The following KCTD14 variants were observed in gnomAD, a reference collection of about 807,000 sequenced individuals.
KCTD14 encodes the protein BTB/POZ domain-containing protein KCTD14.
A neutral mutation model predicts 5.9 loss-of-function variants in KCTD14; 7 were observed. The ratio of observed to expected loss-of-function variants is 1.19; its 90% confidence interval spans 0.68 to 2.23. The LOEUF is 2.23. Among genes scored for constraint, KCTD14 ranks in the 30% most tolerant of loss-of-function variants. KCTD14 has a pLI of 0.00. For synonymous variants in KCTD14, 140 were observed against 133.1 expected (o/e 1.05, Z -0.36); for missense variants, 342 against 332.2 (o/e 1.03, Z -0.23).
chr11:78,016,297 GC>G lies in KCTD14; in HGVS notation c.*295del. 4.7e-6 allele frequency: 2 copies of G among 424,900 alleles called. No individual in the cohort carries two copies. The highest frequency in any genetic ancestry group is 2.9e-5 in the South Asian group (1 of 35,044). The allele number at this position is 424,900 out of a possible 1,614,324, so 26.3% of individuals were successfully genotyped here. Reference sequence around the variant, plus strand: ...TTCCTGTTGTCATCTCACATCTCTTGCCAACGCATTGTTGAAACATTCTTAC... The same window carrying G: ...TTCCTGTTGTCATCTCACATCTCTTGCAACGCATTGTTGAAACATTCTTAC... On this transcript the variant is annotated 3_prime_UTR_variant, in exon 2 of 2. Transcript: ENST00000353172.
intron 1 of KCTD14, among the ~76,000 whole-genome samples, chr11:78,021,096 A>G (rs1857291510): frequency 6.6e-6 from 1 of 152,066 alleles, no homozygotes; most frequent in South Asian, 2.1e-4. Context: ...TGAGGCCAGG[A>G]GTTCAAGACT....
chr11:78,025,085 CGTGTGTGTGTGTGT>C (rs1163862866), upstream of KCTD14, among the ~76,000 whole-genome samples: 2 of 89,374 alleles, frequency 2.2e-5, no homozygotes, highest in African/African-American at 3.6e-5. Flanking sequence ...TATATACACA[CGTGTGTGTGTGTGT>C]GTGTGTGTGT....
At chr11:78,018,643 G>C (rs1370037057) in intron 1 of KCTD14, among the ~76,000 whole-genome samples, 1 of 151,896 alleles carries the variant, frequency 6.6e-6, no homozygotes, top group African/African-American at 2.4e-5. Context: ...GGAGGCAGAG[G>C]TTACAATGAG....
chr11:78,031,382 T>C (rs1857610827), intron 2 of KCTD14, among the ~76,000 whole-genome samples: 1 of 152,008 alleles, frequency 6.6e-6, no homozygotes, highest in Admixed American at 6.6e-5. Context: ...TTTTAAAATT[T>C]ATTTTATTTT....
chr11:78,041,113 G>T (rs1857982120), intron 1 of KCTD14, among the ~76,000 whole-genome samples: 1 of 152,194 alleles, frequency 6.6e-6, no homozygotes, highest in Non-Finnish European at 1.5e-5. Flanking sequence ...AGTCTGTCAA[G>T]CTTCCATTAG....
chr11:78,018,191 CTG>C (rs1439273273), intron 1 of KCTD14, among the ~76,000 whole-genome samples: 5 of 152,158 alleles, frequency 3.3e-5, no homozygotes, highest in Non-Finnish European at 5.9e-5. Flanking sequence ...CTTCCAAAGT[CTG>C]TGGCCTTTGG....
chr11:78,031,114 T>TCACTAACA (rs1565314416), intron 2 of KCTD14, among the ~76,000 whole-genome samples: 1 of 149,442 alleles, frequency 6.7e-6, no homozygotes, highest in East Asian at 2.0e-4. Context: ...GAGTGCAGTG[T>TCACTAACA]CACTAACATA....
chr11:78,023,914 G>C (rs914435506), upstream of KCTD14, among the ~76,000 whole-genome samples: 1 of 152,038 alleles, frequency 6.6e-6, no homozygotes, highest in Non-Finnish European at 1.5e-5. Flanking sequence ...GAAAACTGGC[G>C]CTCTAGGAGG....
intron 1 of KCTD14, among the ~76,000 whole-genome samples, chr11:78,044,480 C>A (rs1271703589): frequency 1.3e-5 from 2 of 152,102 alleles, no homozygotes; most frequent in Non-Finnish European, 2.9e-5. Context: ...GAGTATAACC[C>A]CCAGTAGGTT....
At chr11:78,021,522 G>A (rs1356777095) in intron 1 of KCTD14, among the ~76,000 whole-genome samples, 1 of 151,840 alleles carries the variant, frequency 6.6e-6, no homozygotes, top group Non-Finnish European at 1.5e-5. Flanking sequence ...AGGCTCAAGC[G>A]ATTCTCCTGC....
chr11:78,040,016 C>T (rs1193873141), intron 1 of KCTD14, among the ~76,000 whole-genome samples: 5 of 152,124 alleles, frequency 3.3e-5, no homozygotes, highest in Non-Finnish European at 7.4e-5. Context: ...AGCTCTTATT[C>T]AGTGTTTCCA....
chr11:78,027,391 C>T (rs11237364), upstream of KCTD14, among the ~76,000 whole-genome samples: 110,273 of 149,466 alleles, frequency 0.74, 41,650 homozygotes, highest in Non-Finnish European at 0.81. Context: ...TGAGGCAGAG[C>T]CTCACTCTGT....
At chr11:78,045,675 A>C (rs1367113499) in intron 1 of KCTD14, among the ~76,000 whole-genome samples, 1 of 152,194 alleles carries the variant, frequency 6.6e-6, no homozygotes, top group South Asian at 2.1e-4. Context: ...GTTAGATCAG[A>C]TGTCTTTTGC....
intron 2 of KCTD14, among the ~76,000 whole-genome samples, chr11:78,034,222 G>A (rs60780947): frequency 1.3e-5 from 2 of 151,834 alleles, no homozygotes; most frequent in Non-Finnish European, 2.9e-5. Flanking sequence ...TCCTGGACTC[G>A]AGAGATCCCC....
chr11:78,025,114 G>T (rs1374783637), upstream of KCTD14, among the ~76,000 whole-genome samples: 1 of 66,852 alleles, frequency 1.5e-5, no homozygotes, highest in Admixed American at 1.6e-4. Context: ...GTGTGTGTGT[G>T]TGTGTATATA....
chr11:78,042,718 G>T (rs1858027819), intron 1 of KCTD14, among the ~76,000 whole-genome samples: 1 of 152,174 alleles, frequency 6.6e-6, no homozygotes, highest in Non-Finnish European at 1.5e-5. Flanking sequence ...GAGTTTAAGA[G>T]AGAAGTTTAA....
rs1857899589 is a variant in KCTD14, at chr11:78,038,848, C to A, written c.-95-90G>T. 2.8e-6 allele frequency: 4 copies of A among 1,444,570 alleles called. 1 individual carries two copies. The South Asian group carries it at 3.8e-5, about 14-fold the overall frequency. The allele number at this position is 1,444,570 out of a possible 1,614,324, so 89.5% of individuals were successfully genotyped here. On this transcript the variant is annotated intron_variant, in intron 1 of 2. Transcript: ENST00000533144. ...CAGAGGGCCCAGGCCAGGAGCCTGA[C>A]TGGAGCCACACTGCAGAACTGGATG...
chr11:78,025,244 G>A (rs756648454), upstream of KCTD14, among the ~76,000 whole-genome samples: 12 of 150,750 alleles, frequency 8.0e-5, no homozygotes, highest in Non-Finnish European at 1.8e-4. Flanking sequence ...GAGCCAGTCC[G>A]AGTTCCAAAA....
chr11:78,020,590 G>C (rs140971476), intron 1 of KCTD14, among the ~76,000 whole-genome samples: 71 of 152,320 alleles, frequency 4.7e-4, no homozygotes, highest in African/African-American at 1.7e-3. Flanking sequence ...TGTAAAGCTC[G>C]CAGTTAAATG....
Sources: allele counts gnomAD v4.1 joint callset (sites outside exome capture counted in the v4.1 genomes callset), GRCh38; gene constraint gnomAD v4.1.1; transcripts MANE v1.5; gene names NCBI Gene and HGNC (gene_info 2026-07-23, HGNC 2026-07-21).